LARGE1: variants seen among roughly 807,000 people sequenced by gnomAD.
LARGE1 encodes LARGE xylosyl- and glucuronyltransferase 1.
LARGE1 carries 43 observed loss-of-function variants against 87.6 expected under a neutral mutation model. The observed-to-expected ratio is 0.49, with a 90% CI of 0.38 to 0.63. The LOEUF is 0.63. Among genes scored for constraint, LARGE1 ranks in the 30% least tolerant of loss-of-function variants. The probability of loss-of-function intolerance (pLI) is 0.00; values close to 1 mark genes in which losing one functional copy is unlikely to be tolerated. For synonymous variants in LARGE1, 434 were observed against 394.6 expected (o/e 1.10, Z -1.18); for missense variants, 802 against 1,000.2 (o/e 0.80, Z 2.67).
chr22:33,572,844 T>C (rs2078246713), intron 5 of LARGE1, among the ~76,000 whole-genome samples: 2 of 152,128 alleles, frequency 1.3e-5, no homozygotes, highest in Non-Finnish European at 2.9e-5. Context: ...CACTCCAGCC[T>C]GGGCGACAGA....
intron 4 of LARGE1, among the ~76,000 whole-genome samples, chr22:33,618,464 A>C (rs1340456996): frequency 6.6e-6 from 1 of 152,228 alleles, no homozygotes; most frequent in East Asian, 1.9e-4. Flanking sequence ...GATAACATTC[A>C]AATACAATAG....
At chr22:33,150,129 A>G in the LARGE1 span, among the ~76,000 whole-genome samples, 1 of 152,182 alleles carries the variant, frequency 6.6e-6, no homozygotes, top group Admixed American at 6.5e-5. Context: ...AAGCCTCTCA[A>G]AAAGTATCAA....
At chr22:33,241,419 TGA>T (rs1461651292) in intron 11 of LARGE1, among the ~76,000 whole-genome samples, 1 of 152,142 alleles carries the variant, frequency 6.6e-6, no homozygotes, top group Non-Finnish European at 1.5e-5. Context: ...AGGCAGAGAC[TGA>T]GTCTTTCTCA....
At chr22:33,189,497 G>A (rs965749258) in intron 11 of LARGE1, among the ~76,000 whole-genome samples, 2 of 151,976 alleles carry the variant, frequency 1.3e-5, no homozygotes, top group African/African-American at 2.4e-5. Flanking sequence ...ACACACTCAC[G>A]ATACTCACTC....
At chr22:33,397,485 T>C (rs1957128074) in intron 7 of LARGE1, among the ~76,000 whole-genome samples, 2 of 152,224 alleles carry the variant, frequency 1.3e-5, no homozygotes, top group South Asian at 4.1e-4. Context: ...AATCATACAG[T>C]ATGTGCCCTT....
At chr22:33,243,576 A>T (rs1016357773) in intron 11 of LARGE1, among the ~76,000 whole-genome samples, 1 of 152,112 alleles carries the variant, frequency 6.6e-6, no homozygotes, top group Non-Finnish European at 1.5e-5. Context: ...TGTATCAGTA[A>T]TTTTTTCCTT....
intron 6 of LARGE1, among the ~76,000 whole-genome samples, chr22:33,490,804 A>G (rs957240693): frequency 6.6e-5 from 10 of 152,246 alleles, no homozygotes; most frequent in African/African-American, 2.4e-4. Context: ...CACAGGACTG[A>G]CACTTTAGTA....
chr22:33,384,426 C>T (rs891995784), intron 7 of LARGE1, 122 bp from the exon 8 acceptor site: 1 of 746,340 alleles, frequency 1.3e-6, no homozygotes, highest in South Asian at 1.5e-5. Context: ...GACAAGAGGC[C>T]TATGCACTGC....
chr22:33,479,380 T>C (rs1473972930), intron 6 of LARGE1, among the ~76,000 whole-genome samples: 2 of 152,120 alleles, frequency 1.3e-5, no homozygotes, highest in Admixed American at 1.3e-4. Context: ...GATGGACTAT[T>C]GGATGAACAA....
chr22:33,845,232 C>G (rs1439309044), intron 1 of LARGE1, among the ~76,000 whole-genome samples: 1 of 152,210 alleles, frequency 6.6e-6, no homozygotes, highest in Non-Finnish European at 1.5e-5. Flanking sequence ...TATTAGGGAA[C>G]TAGATCATCT....
At chr22:33,472,146 G>A (rs2068869613) in intron 6 of LARGE1, among the ~76,000 whole-genome samples, 1 of 152,196 alleles carries the variant, frequency 6.6e-6, no homozygotes, top group Non-Finnish European at 1.5e-5. Flanking sequence ...AGGCAATCCT[G>A]ATTTAGTGCC....
the LARGE1 span, among the ~76,000 whole-genome samples, chr22:33,147,666 T>C: frequency 6.6e-6 from 1 of 152,182 alleles, no homozygotes; most frequent in Non-Finnish European, 1.5e-5. Flanking sequence ...GAAAGAATAC[T>C]AATTCAACTT....
rs181356882 is a variant in LARGE1, at chr22:33,826,531, T to G, written c.-82-64973A>C. Among the ~76,000 whole-genome samples the G allele has an allele frequency of 1.9e-3, 292 of 152,040 alleles. 2 individuals carry two copies. The highest frequency in any genetic ancestry group is 6.2e-3 in the African/African-American group (258 of 41,480). ...CTAATTTTTGTATTTTTAGTAGAGA[T>G]AGAATTTCACCATCTTGGCCAGGCT... On this transcript the variant is annotated intron_variant, in intron 1 of 14. Coordinates refer to ENST00000397394, the MANE Select transcript of LARGE1 (RefSeq NM_133642.5).
chr22:33,700,606 T>TCA (rs917960901), intron 2 of LARGE1, among the ~76,000 whole-genome samples: 2 of 152,150 alleles, frequency 1.3e-5, no homozygotes, highest in African/African-American at 4.8e-5. Context: ...AAGAAGCTGT[T>TCA]CAGAGCCCAC....
chr22:33,433,930 C>T (rs912133953), intron 6 of LARGE1, among the ~76,000 whole-genome samples: 1 of 152,180 alleles, frequency 6.6e-6, no homozygotes, highest in African/African-American at 2.4e-5. Context: ...AAGCTCCTAT[C>T]TAAATCATCA....
At chr22:33,534,071 G>C (rs1432241576) in intron 6 of LARGE1, among the ~76,000 whole-genome samples, 1 of 152,082 alleles carries the variant, frequency 6.6e-6, no homozygotes, top group East Asian at 1.9e-4. Context: ...GCAGCTTTGA[G>C]TGTGTGGGTG....
chr22:33,774,276 C>G (rs934882545), intron 1 of LARGE1, among the ~76,000 whole-genome samples: 6 of 152,158 alleles, frequency 3.9e-5, no homozygotes, highest in African/African-American at 1.4e-4. Context: ...AATGGCCACT[C>G]TTACAAAACT....
chr22:33,259,759 T>C (rs1312851347), intron 11 of LARGE1, among the ~76,000 whole-genome samples: 1 of 152,226 alleles, frequency 6.6e-6, no homozygotes, highest in Non-Finnish European at 1.5e-5. Context: ...TTCCACTCTC[T>C]GCTTCCAGAA....
intron 7 of LARGE1, among the ~76,000 whole-genome samples, chr22:33,407,693 A>AC (rs5845084): frequency 0.98 from 148,561 of 152,222 alleles, 72,514 homozygotes; most frequent in East Asian, 1. Context: ...CAAGATCCTA[A>AC]CCAAGTCTGC....
Sources: gnomAD v4.1 joint callset for allele counts (sites outside exome capture counted in the v4.1 genomes callset) on GRCh38, gnomAD v4.1.1 for gene constraint, MANE v1.5 for transcripts, NCBI Gene and HGNC (gene_info 2026-07-23, HGNC 2026-07-21) for gene names.